PCDHGA12: variants seen among roughly 807,000 people sequenced by gnomAD.
The protein encoded by PCDHGA12 is protocadherin gamma-A12.
PCDHGA12 carries 43 observed loss-of-function variants against 61.1 expected under a neutral mutation model. The ratio of observed to expected loss-of-function variants is 0.70; its 90% confidence interval spans 0.55 to 0.91. PCDHGA12 has a LOEUF of 0.91. PCDHGA12 is among the 40% of genes least tolerant of loss of function. PCDHGA12 has a pLI of 0.00. For missense variants in PCDHGA12, 1,236 were observed against 1,227.7 expected, an observed-to-expected ratio of 1.01 and a Z score of -0.10; for synonymous variants, 520 against 542.9, an observed-to-expected ratio of 0.96 and a Z score of 0.59.
intron 1 of PCDHGA12, chr5:141,475,850 G>C (rs2099376325): frequency 8.6e-6 from 4 of 464,524 alleles, no homozygotes; most frequent in Non-Finnish European, 1.5e-5. Flanking sequence ...AGAGAGCCCG[G>C]CGCTAGCTCA....
At chr5:141,448,808 G>C (rs2098608218) in intron 1 of PCDHGA12, among the ~76,000 whole-genome samples, 2 of 152,080 alleles carry the variant, frequency 1.3e-5, no homozygotes, top group Admixed American at 1.3e-4. Flanking sequence ...AGCCAGGCGT[G>C]ATGGCGGGCG....
chr5:141,487,196 G>A lies in PCDHGA12; in HGVS notation c.2425-7611G>A. On this transcript the variant is annotated intron_variant, in intron 1 of 3. Coordinates refer to ENST00000252085, the MANE Select transcript of PCDHGA12 (RefSeq NM_003735.3). This position sits in a 1 kb window ranked among gnomAD's most constrained non-coding sequence, Gnocchi z 5.0. Reference sequence around the variant, plus strand: ...GGAAGACACTCATCCAGTTGTCCCAGATCTTCGAGAATCTTCAGCTCCAAG... The same window carrying A: ...GGAAGACACTCATCCAGTTGTCCCAAATCTTCGAGAATCTTCAGCTCCAAG... The A allele has an allele frequency of 1.2e-6, 2 of 1,613,878 alleles. No homozygotes were observed. The highest frequency in any genetic ancestry group is 8.5e-7 in the Non-Finnish European group (1 of 1,179,796).
At chr5:141,466,794 T>C (rs1487051313) in intron 1 of PCDHGA12, among the ~76,000 whole-genome samples, 2 of 152,226 alleles carry the variant, frequency 1.3e-5, no homozygotes, top group Non-Finnish European at 2.9e-5. Context: ...TGCCTCAAAC[T>C]AGATCCTATT....
intron 1 of PCDHGA12, among the ~76,000 whole-genome samples, chr5:141,438,325 A>C (rs1400796518): frequency 6.6e-6 from 1 of 151,948 alleles, no homozygotes; most frequent in African/African-American, 2.4e-5. Context: ...AATTTTTCTT[A>C]TACATGTCAT....
Position 141,477,383 on chromosome 5 carries a change from T to A in PCDHGA12, c.2425-17424T>A. 6.2e-7 allele frequency: 1 copy of A among 1,614,102 alleles called. No homozygotes were observed. Among genetic ancestry groups the A allele is most frequent in the Non-Finnish European group, 8.5e-7 (1 of 1,180,006 alleles). On this transcript the variant is annotated intron_variant, in intron 1 of 3. Transcript: ENST00000252085. This position sits in a 1 kb window ranked among gnomAD's most constrained non-coding sequence, Gnocchi z 4.9. Reference sequence around the variant, plus strand: ...CCTGGATCGGGAGACTGTGCCAGAATACAACCTCAGCATCACCGCCCGAGA... The same window carrying A: ...CCTGGATCGGGAGACTGTGCCAGAAAACAACCTCAGCATCACCGCCCGAGA...
chr5:141,511,598 A>C lies in PCDHGA12; in HGVS notation c.*425A>C. ...GGTTGGGGTGTTGAAGTACCAAGTA[A>C]CCTACAAGCCTCCTAGTTCTGAAAA... On this transcript the variant is annotated 3_prime_UTR_variant, in exon 4 of 4. Transcript: ENST00000252085. 3.9e-6 allele frequency: 1 copy of C among 255,742 alleles called. No individual in the cohort carries two copies. The highest frequency in any genetic ancestry group is 7.8e-6 in the Non-Finnish European group (1 of 127,952). The allele number at this position is 255,742 out of a possible 1,614,324, so 15.8% of individuals were successfully genotyped here.
intron 1 of PCDHGA12, among the ~76,000 whole-genome samples, chr5:141,466,436 G>A (rs181613158): frequency 1.3e-5 from 2 of 152,270 alleles, no homozygotes; most frequent in East Asian, 1.9e-4. Context: ...AAGCTGAACC[G>A]AGATGTCTAT....
chr5:141,477,171 TCA>T lies in PCDHGA12; in HGVS notation c.2425-17633_2425-17632del, dbSNP rs772104411. On this transcript the variant is annotated intron_variant, in intron 1 of 3. Transcript: ENST00000252085. This position sits in a 1 kb window ranked among gnomAD's most constrained non-coding sequence, Gnocchi z 4.9. ...GATGTGAATGACAACGCCCCGGAGA[TCA>T]CAGTCACCTCCGTGTACAGCCCAGT... 6.2e-7 allele frequency: 1 copy of T among 1,614,072 alleles called. No individual in the cohort carries two copies. Among genetic ancestry groups the T allele is most frequent in the Non-Finnish European group, 8.5e-7 (1 of 1,179,988 alleles).
chr5:141,432,413 G>C lies in PCDHGA12; in HGVS notation c.1654G>C (p.Val552Leu), dbSNP rs369816901. 9 of 1,614,114 alleles carry C rather than the reference G, an allele frequency of 5.6e-6. No homozygotes were observed. The highest frequency in any genetic ancestry group is 1.3e-5 in the African/African-American group (1 of 74,946). ...CAGCAACGTGTCGTTGAGCCTGTTCGTGCTGGACCAGAACGACAATGCGCC... is the reference window on the plus strand; with the variant it reads ...CAGCAACGTGTCGTTGAGCCTGTTCCTGCTGGACCAGAACGACAATGCGCC... ...LSSNVSLSLFVLDQNDNAPEI... is the reference protein window; with the variant it reads ...LSSNVSLSLFLLDQNDNAPEI... The change falls in exon 1 of 4, where the codon GTG becomes CTG. Residue 552 changes from valine (V) to leucine (L), a missense_variant. Val to Leu is a conservative substitution (Grantham distance 32, BLOSUM62 1). Coordinates refer to ENST00000252085, the MANE Select transcript of PCDHGA12 (RefSeq NM_003735.3). This position sits in a 1 kb window ranked among gnomAD's most constrained non-coding sequence, Gnocchi z 6.0.
At chr5:141,478,443 C>T (rs2099456258) in intron 1 of PCDHGA12, 3 of 1,613,494 alleles carry the variant, frequency 1.9e-6, no homozygotes, top group Admixed American at 1.7e-5. Flanking sequence ...CTGAAGAAAC[C>T]TGGTGCAGCC....
At chr5:141,433,406 T>C (rs2097604777) in intron 1 of PCDHGA12, among the ~76,000 whole-genome samples, 1 of 149,982 alleles carries the variant, frequency 6.7e-6, no homozygotes, top group Non-Finnish European at 1.5e-5. Flanking sequence ...TATCTATCTA[T>C]TACTTTCTTG....
intron 1 of PCDHGA12, among the ~76,000 whole-genome samples, chr5:141,473,759 C>G (rs989399714): frequency 3.3e-5 from 5 of 152,158 alleles, no homozygotes; most frequent in African/African-American, 1.2e-4. Flanking sequence ...GGATACTATG[C>G]AAAGGATTTG....
chr5:141,487,818 G>T lies in PCDHGA12; in HGVS notation c.2425-6989G>T, dbSNP rs1009237001. The T allele has an allele frequency of 1.2e-5, 16 of 1,331,602 alleles. No homozygotes were observed. Among genetic ancestry groups the T allele is most frequent in the Non-Finnish European group, 1.4e-5 (14 of 970,528 alleles). The allele number at this position is 1,331,602 out of a possible 1,614,324, so 82.5% of individuals were successfully genotyped here. On this transcript the variant is annotated intron_variant, in intron 1 of 3. Transcript: ENST00000252085. This position sits in a 1 kb window ranked among gnomAD's most constrained non-coding sequence, Gnocchi z 5.0. Reference sequence around the variant, plus strand: ...GAGTTGTCACAGTTTAGCATTGGGGGCGGGTCATGCCTATATCTGAGTAAG... The same window carrying T: ...GAGTTGTCACAGTTTAGCATTGGGGTCGGGTCATGCCTATATCTGAGTAAG...
chr5:141,497,210 G>T (rs988856908), intron 2 of PCDHGA12, among the ~76,000 whole-genome samples: 1 of 28,140 alleles, frequency 3.6e-5, no homozygotes, highest in African/African-American at 1.1e-3. Context: ...TGAGTGTAAT[G>T]GGGGGGGGAA....
chr5:141,441,155 T>A (rs2098229690), intron 1 of PCDHGA12: 1 of 152,230 alleles, frequency 6.6e-6, no homozygotes, highest in East Asian at 1.9e-4. Flanking sequence ...GACAATATCC[T>A]AGAGGCGATT....
chr5:141,496,146 G>T (rs749790409), intron 2 of PCDHGA12, among the ~76,000 whole-genome samples: 1 of 151,170 alleles, frequency 6.6e-6, no homozygotes, highest in South Asian at 2.1e-4. Flanking sequence ...GCCTTTGATC[G>T]CAGCTCTCCA....
intron 1 of PCDHGA12, among the ~76,000 whole-genome samples, chr5:141,483,644 G>GTGTT (rs919432945): frequency 6.8e-6 from 1 of 146,522 alleles, no homozygotes; most frequent in Non-Finnish European, 1.5e-5. Flanking sequence ...AGAGGGGTGT[G>GTGTT]TGTTTGTGTG....
intron 1 of PCDHGA12, among the ~76,000 whole-genome samples, chr5:141,434,703 G>C (rs1198306104): frequency 6.6e-6 from 1 of 151,730 alleles, no homozygotes; most frequent in Non-Finnish European, 1.5e-5. Context: ...TAAATATGTG[G>C]GTAAATCTCT....
Position 141,486,886 on chromosome 5 carries a change from G to A in PCDHGA12, c.2425-7921G>A. The A allele has an allele frequency of 1.9e-6, 3 of 1,614,222 alleles. No individual in the cohort carries two copies. The highest frequency in any genetic ancestry group is 2.5e-6 in the Non-Finnish European group (3 of 1,180,044). ...CAGCTGTGCTCCGTCCTCGGGCCCGGCCTGGTTCCTTATGTCCCCAAGCAC... is the reference window on the plus strand; with the variant it reads ...CAGCTGTGCTCCGTCCTCGGGCCCGACCTGGTTCCTTATGTCCCCAAGCAC... On this transcript the variant is annotated intron_variant, in intron 1 of 3. Coordinates refer to ENST00000252085, the MANE Select transcript of PCDHGA12 (RefSeq NM_003735.3). This position sits in a 1 kb window ranked among gnomAD's most constrained non-coding sequence, Gnocchi z 5.0.
Sources: gnomAD v4.1 joint callset for allele counts (sites outside exome capture counted in the v4.1 genomes callset) on GRCh38, gnomAD v4.1.1 for gene constraint, Gnocchi (gnomAD v3.1) non-coding constraint, MANE v1.5 for transcripts, NCBI Gene and HGNC (gene_info 2026-07-23, HGNC 2026-07-21) for gene names.